MYO18B: variants seen among roughly 807,000 people sequenced by gnomAD.
The protein encoded by MYO18B is unconventional myosin-XVIIIb.
MYO18B carries 204 observed loss-of-function variants against 273.0 expected under a neutral mutation model. The observed-to-expected ratio is 0.75, with a 90% CI of 0.67 to 0.84. MYO18B has a LOEUF of 0.84. Among genes scored for constraint, MYO18B ranks in the 40% least tolerant of loss-of-function variants. The pLI is 0.00. For missense variants in MYO18B, 3,212 were observed against 3,287.6 expected (o/e 0.98, Z 0.56); for synonymous variants, 1,330 against 1,305.7 (o/e 1.02, Z -0.40).
At chr22:25,901,384 G>A (rs1294536721) in intron 29 of MYO18B, 2 of 152,134 alleles carry the variant, frequency 1.3e-5, no homozygotes, top group Non-Finnish European at 2.9e-5. Flanking sequence ...CTTCTCTATC[G>A]GTTTCCTCAC....
intron 39 of MYO18B, among the ~76,000 whole-genome samples, chr22:25,979,345 T>C (rs1353033090): frequency 6.6e-6 from 1 of 152,226 alleles, no homozygotes; most frequent in Non-Finnish European, 1.5e-5. Context: ...TGAGACTTAA[T>C]TATGTTGATA....
chr22:26,005,056 A>G (rs558467779), intron 42 of MYO18B, among the ~76,000 whole-genome samples: 3 of 152,278 alleles, frequency 2.0e-5, no homozygotes, highest in South Asian at 4.1e-4. Context: ...CTACTTCCTC[A>G]TCTGCAATAC....
intron 42 of MYO18B, among the ~76,000 whole-genome samples, chr22:26,007,905 TTCTCA>T: frequency 6.6e-6 from 1 of 152,214 alleles, no homozygotes; most frequent in Non-Finnish European, 1.5e-5. Flanking sequence ...TTAAGCTTCC[TTCTCA>T]GAAGGATCCA....
chr22:25,917,330 A>T (rs1266831360), intron 33 of MYO18B, among the ~76,000 whole-genome samples: 1 of 152,074 alleles, frequency 6.6e-6, no homozygotes, highest in South Asian at 2.1e-4. Context: ...GTTTGTTAAC[A>T]GTTCTGTCAT....
At chr22:25,895,790 G>A (rs13057846) in intron 28 of MYO18B, 5,079 of 152,496 alleles carry the variant, frequency 0.033, 139 homozygotes, top group African/African-American at 0.073. Context: ...AGATTGTTCT[G>A]TGATCATAAA....
chr22:25,807,499 C>T (rs1033000342), intron 12 of MYO18B, among the ~76,000 whole-genome samples: 4 of 152,154 alleles, frequency 2.6e-5, no homozygotes, highest in African/African-American at 9.7e-5. Context: ...CTTGGGGTCT[C>T]TCATGTGGCT....
At chr22:25,869,439 T>TA (rs2090984492) in intron 22 of MYO18B, among the ~76,000 whole-genome samples, 1 of 61,460 alleles carries the variant, frequency 1.6e-5, no homozygotes, top group South Asian at 5.2e-4. Context: ...AATAGAACAA[T>TA]ACTGTGTCTC....
In MYO18B at chr22:25,876,346, G is replaced by A. The variant is rs764790158; in HGVS notation, c.4224+14G>A. The A allele has an allele frequency of 3.1e-6, 5 of 1,599,942 alleles. No individual in the cohort carries two copies. In the South Asian group the frequency reaches 4.5e-5, roughly 14 times the overall value. On this transcript the variant is annotated intron_variant, in intron 24 of 43. Coordinates refer to ENST00000335473, the MANE Select transcript of MYO18B (RefSeq NM_032608.7). ...CGAGCCAAGGAGGTCAGTCTATGTG[G>A]CAGGCAGGGTGCTGGGTGGCTACTC... is the stretch of plus-strand genomic sequence containing the variant.
intron 12 of MYO18B, among the ~76,000 whole-genome samples, chr22:25,821,619 T>C (rs1293960596): frequency 1.3e-5 from 2 of 151,982 alleles, no homozygotes. Context: ...CTACTAAAAA[T>C]ACAAAAAATT....
chr22:26,022,773 C>G (rs1226742200), intron 42 of MYO18B, among the ~76,000 whole-genome samples: 1 of 152,258 alleles, frequency 6.6e-6, no homozygotes, highest in African/African-American at 2.4e-5. Flanking sequence ...GACAGCCAGG[C>G]TAGGCCTGAG....
chr22:25,997,800 G>A (rs1933452152), intron 40 of MYO18B, among the ~76,000 whole-genome samples: 1 of 152,028 alleles, frequency 6.6e-6, no homozygotes, highest in Admixed American at 6.5e-5. Context: ...ACAGCTCCAC[G>A]CTACACTTCA....
At chr22:26,050,409 C>T in the MYO18B span, among the ~76,000 whole-genome samples, 1 of 152,186 alleles carries the variant, frequency 6.6e-6, no homozygotes, top group Non-Finnish European at 1.5e-5. Flanking sequence ...AGCCATGCCT[C>T]TGTACCGGGC....
At chr22:25,846,020 G>A (rs2090230586) in intron 18 of MYO18B, 80 bp from the exon 19 acceptor site, 2 of 1,290,052 alleles carry the variant, frequency 1.6e-6, no homozygotes, top group East Asian at 5.5e-5. Flanking sequence ...AAGAAGGCTT[G>A]TTCCCTTTGC....
chr22:25,976,348 G>GA (rs1386087957), intron 39 of MYO18B, among the ~76,000 whole-genome samples: 1 of 151,998 alleles, frequency 6.6e-6, no homozygotes, highest in Non-Finnish European at 1.5e-5. Context: ...AGAGTTAGTG[G>GA]ACATTTCAAC....
intron 11 of MYO18B, among the ~76,000 whole-genome samples, chr22:25,794,313 C>T (rs1218555571): frequency 2.0e-5 from 3 of 151,282 alleles, no homozygotes; most frequent in Admixed American, 6.6e-5. Context: ...CTCAAGCAAT[C>T]GTCCCGCCTC....
At chr22:25,981,326 A>C (rs1000572110) in intron 39 of MYO18B, among the ~76,000 whole-genome samples, 3 of 152,182 alleles carry the variant, frequency 2.0e-5, no homozygotes, top group Non-Finnish European at 4.4e-5. Context: ...AAATGTGAAG[A>C]TCTTTTGATG....
intron 15 of MYO18B, among the ~76,000 whole-genome samples, chr22:25,831,539 C>A (rs184315761): frequency 6.6e-6 from 1 of 152,150 alleles, no homozygotes; most frequent in South Asian, 2.1e-4. Context: ...CCTGCCACCA[C>A]GCCTGGCTAA....
intron 7 of MYO18B, 126 bp downstream of exon 7, chr22:25,772,636 C>G (rs1173102409): frequency 3.1e-6 from 3 of 963,496 alleles, no homozygotes; most frequent in Non-Finnish European, 4.5e-6. Flanking sequence ...CAAGCAGCAT[C>G]CTTCTCGCGG....
intron 11 of MYO18B, among the ~76,000 whole-genome samples, chr22:25,790,068 G>T (rs1000373898): frequency 6.6e-6 from 1 of 152,176 alleles, no homozygotes; most frequent in East Asian, 1.9e-4. Flanking sequence ...CAGGAGAATC[G>T]CCTGAATCCA....
Sources: allele counts gnomAD v4.1 joint callset (sites outside exome capture counted in the v4.1 genomes callset), GRCh38; gene constraint gnomAD v4.1.1; transcripts MANE v1.5; gene names NCBI Gene and HGNC (gene_info 2026-07-23, HGNC 2026-07-21).